The following CFTR variants were observed in gnomAD, a reference collection of about 807,000 sequenced individuals.
The protein encoded by CFTR is CF transmembrane conductance regulator.
Under a neutral mutation model 171.6 loss-of-function variants are expected in CFTR, and 181 were observed. The ratio of observed to expected loss-of-function variants is 1.05; its 90% CI spans 0.93 to 1.19. The LOEUF is 1.19. CFTR is among the 50% of genes most tolerant of loss of function. CFTR has a pLI of 0.00. For missense variants in CFTR, 1,968 were observed against 1,734.7 expected (o/e 1.13, Z -2.39); for synonymous variants, 583 against 608.0 (o/e 0.96, Z 0.60).
At chr7:117,618,819 T>G (rs1792531354) in intron 21 of CFTR, among the ~76,000 whole-genome samples, 1 of 152,184 alleles carries the variant, frequency 6.6e-6, no homozygotes, top group Non-Finnish European at 1.5e-5. Context: ...TTATGAATAA[T>G]ATAGTTTAAT....
At chr7:117,595,712 G>C (rs752515200) in intron 15 of CFTR, among the ~76,000 whole-genome samples, 1 of 151,678 alleles carries the variant, frequency 6.6e-6, no homozygotes, top group Admixed American at 6.6e-5. Flanking sequence ...GTGAGACACC[G>C]TATCTACAAA....
chr7:117,583,307 T>C (rs1791876815), intron 11 of CFTR, among the ~76,000 whole-genome samples: 2 of 151,312 alleles, frequency 1.3e-5, no homozygotes, highest in South Asian at 4.2e-4. Flanking sequence ...CAATATGTAG[T>C]CTTTTATCCC....
At chr7:117,594,778 T>C in intron 14 of CFTR, 152 bp from the exon 15 acceptor site, 3 of 678,716 alleles carry the variant, frequency 4.4e-6, no homozygotes, top group East Asian at 2.9e-5. Flanking sequence ...TAGAATGACA[T>C]CATACATGGC....
intron 22 of CFTR, among the ~76,000 whole-genome samples, chr7:117,628,062 A>G (rs372741097): frequency 1.5e-4 from 23 of 152,228 alleles, no homozygotes; most frequent in Middle Eastern, 3.4e-3. Flanking sequence ...AAATTGTAAC[A>G]TGTTTTAGAT....
rs34633427 is a variant in CFTR, at chr7:117,626,148, A to C, written c.3469-1374A>C. Among the ~76,000 whole-genome samples the C allele has an allele frequency of 4.8e-3, 738 of 152,206 alleles. 4 individuals carry two copies. Among genetic ancestry groups the C allele is most frequent in the African/African-American group, 0.016 (674 of 41,552 alleles). Reference sequence around the variant, plus strand: ...ACTGAAGCACAGAATCACTAGAGTGAAAAAAGAACTTCACAAACAGTGCAG... The same window carrying C: ...ACTGAAGCACAGAATCACTAGAGTGCAAAAAGAACTTCACAAACAGTGCAG... On this transcript the variant is annotated intron_variant, in intron 21 of 26. Transcript: ENST00000003084.
At chr7:117,552,306 A>G (rs1180693330) in intron 10 of CFTR, among the ~76,000 whole-genome samples, 2 of 151,896 alleles carry the variant, frequency 1.3e-5, no homozygotes, top group Non-Finnish European at 2.9e-5. Context: ...ATATGCATAT[A>G]TATATTTTTA....
chr7:117,611,462 T>C, intron 19 of CFTR, 119 bp from the exon 20 acceptor site: 1 of 723,938 alleles, frequency 1.4e-6, no homozygotes, highest in Non-Finnish European at 2.4e-6. Context: ...AAAAGCTTTT[T>C]AACCAATGAC....
At position 117,655,802 on chromosome 7, in the gene CFTR, C is replaced by T. The variant is rs188541004; in HGVS notation, c.3963+2871C>T. Among the ~76,000 whole-genome samples the T allele has an allele frequency of 1.5e-4, 23 of 152,206 alleles. No individual in the cohort carries two copies. In the East Asian group the frequency reaches 4.1e-3, roughly 27 times the overall value. On this transcript the variant is annotated intron_variant, in intron 24 of 26. Coordinates refer to ENST00000003084, the MANE Select transcript of CFTR (RefSeq NM_000492.4). ...TTGTGGAGGCTGGGAAGTTCAAAAT[C>T]TGGTGCCAGCAGATTTTGTGTCTGG...
intron 7 of CFTR, 49 bp downstream of exon 7, chr7:117,536,722 T>A: frequency 6.7e-7 from 1 of 1,496,128 alleles, no homozygotes; most frequent in Non-Finnish European, 9.2e-7. Context: ...TGTCCTTAAT[T>A]TTTTAAAAAT....
chr7:117,566,893 AACAAATT>A (rs1791611174), intron 11 of CFTR, among the ~76,000 whole-genome samples: 2 of 152,222 alleles, frequency 1.3e-5, no homozygotes, highest in Non-Finnish European at 2.9e-5. Context: ...ACAATTCTGG[AACAAATT>A]ACTAGCTTAA....
At chr7:117,540,692 A>G (rs143118719) in intron 8 of CFTR, among the ~76,000 whole-genome samples, 2 of 152,346 alleles carry the variant, frequency 1.3e-5, no homozygotes, top group Non-Finnish European at 2.9e-5. Context: ...AGAAGCAAAT[A>G]AATACTTATT....
At chr7:117,537,564 A>G (rs891687977) in intron 7 of CFTR, among the ~76,000 whole-genome samples, 2 of 152,210 alleles carry the variant, frequency 1.3e-5, no homozygotes, top group African/African-American at 2.4e-5. Context: ...GATGGTGTCA[A>G]TATGGGTTAT....
intron 24 of CFTR, among the ~76,000 whole-genome samples, chr7:117,660,172 G>A (rs78245477): frequency 1.7e-3 from 264 of 152,124 alleles, no homozygotes; most frequent in African/African-American, 6.0e-3. Context: ...TCTACAAACT[G>A]TTGATGTTTT....
At chr7:117,516,475 C>G (rs950415418) in intron 3 of CFTR, among the ~76,000 whole-genome samples, 3 of 151,926 alleles carry the variant, frequency 2.0e-5, no homozygotes, top group Admixed American at 6.6e-5. Flanking sequence ...TACAGTGATA[C>G]TAGCTTATAA....
intron 18 of CFTR, among the ~76,000 whole-genome samples, chr7:117,608,863 G>A (rs1265784791): frequency 6.6e-6 from 1 of 151,910 alleles, no homozygotes; most frequent in African/African-American, 2.4e-5. Flanking sequence ...AAAAGTCTCT[G>A]TTCACTCTAT....
intron 22 of CFTR, among the ~76,000 whole-genome samples, chr7:117,629,039 C>G (rs563034823): frequency 6.6e-6 from 1 of 152,220 alleles, no homozygotes; most frequent in South Asian, 2.1e-4. Context: ...TAAACTCAAG[C>G]AAGCCCTAGT....
At position 117,521,286 on chromosome 7, in the gene CFTR, C is replaced by A. The variant is rs954332516; in HGVS notation, c.274-9613C>A. Among the ~76,000 whole-genome samples, 6 of 151,868 alleles carry A rather than the reference C, an allele frequency of 4.0e-5. No individual in the cohort carries two copies. The East Asian group carries it at 5.8e-4, about 15-fold the overall frequency. On this transcript the variant is annotated intron_variant, in intron 3 of 26. Coordinates refer to ENST00000003084, the MANE Select transcript of CFTR (RefSeq NM_000492.4). ...TTGCTTCTTTCCAATATTTGTACCT[C>A]GATCATTTTTCTTGTTGAGTTGTAT...
At chr7:117,494,472 C>A (rs1173916181) in intron 1 of CFTR, among the ~76,000 whole-genome samples, 1 of 152,034 alleles carries the variant, frequency 6.6e-6, no homozygotes, top group Non-Finnish European at 1.5e-5. Context: ...GCATTTATGT[C>A]CCCAAAGAGA....
intron 10 of CFTR, among the ~76,000 whole-genome samples, chr7:117,556,581 G>C (rs1344576660): frequency 6.4e-5 from 9 of 139,718 alleles, no homozygotes; most frequent in African/African-American, 2.4e-4. Flanking sequence ...GTGCAGTGGC[G>C]GGATCTCGGC....
Sources: gnomAD v4.1 joint callset for allele counts (sites outside exome capture counted in the v4.1 genomes callset) on GRCh38, gnomAD v4.1.1 for gene constraint, MANE v1.5 for transcripts, NCBI Gene and HGNC (gene_info 2026-07-23, HGNC 2026-07-21) for gene names.